Variants in MICAL2 observed in about 807,000 individuals in gnomAD.
MICAL2 encodes the protein microtubule associated monooxygenase, calponin and LIM domain containing 2.
A neutral mutation model predicts 127.3 loss-of-function variants in MICAL2; 77 were observed. That is an observed-to-expected ratio of 0.60 (90% CI 0.50 to 0.73). The LOEUF is 0.73. Ranked by LOEUF, MICAL2 falls within the 30% of genes least tolerant of loss-of-function variation. MICAL2 has a pLI of 0.00. For missense variants in MICAL2, 1,351 were observed against 1,434.4 expected (o/e 0.94, Z 0.94); for synonymous variants, 570 against 551.1 (o/e 1.03, Z -0.48).
intron 1 of MICAL2, among the ~76,000 whole-genome samples, chr11:12,137,503 G>C (rs545739480): frequency 5.3e-5 from 8 of 152,310 alleles, no homozygotes; most frequent in African/African-American, 1.7e-4. Context: ...CACTTCATAG[G>C]CTGTCTCCCA....
At chr11:12,241,242 C>T (rs1590578579) in intron 18 of MICAL2, 80 bp downstream of exon 18, 6 of 1,518,946 alleles carry the variant, frequency 4.0e-6, no homozygotes, top group Middle Eastern at 1.9e-4. Flanking sequence ...AGTGGCTCTT[C>T]CCACACCCCA....
intron 18 of MICAL2, among the ~76,000 whole-genome samples, chr11:12,241,708 A>T (rs904104876): frequency 6.6e-6 from 1 of 152,204 alleles, no homozygotes; most frequent in Admixed American, 6.5e-5. Context: ...AATCACTGTT[A>T]TTGACCATAA....
chr11:12,296,543 G>T (rs1254034339), downstream of MICAL2, among the ~76,000 whole-genome samples: 1 of 146,774 alleles, frequency 6.8e-6, no homozygotes, highest in African/African-American at 2.5e-5. Flanking sequence ...TGTGACATAA[G>T]GGTATATTAT....
intron 3 of MICAL2, among the ~76,000 whole-genome samples, chr11:12,185,187 G>A (rs1272366527): frequency 8.1e-6 from 1 of 123,090 alleles, no homozygotes; most frequent in African/African-American, 3.0e-5. Flanking sequence ...CTGGATGGAT[G>A]GATGGGTGGG....
chr11:12,189,666 C>T (rs192798469), intron 3 of MICAL2, among the ~76,000 whole-genome samples: 3 of 152,334 alleles, frequency 2.0e-5, no homozygotes, highest in Non-Finnish European at 2.9e-5. Context: ...AGGGTTACAG[C>T]GATGATGCAT....
At chr11:12,189,341 C>T (rs146854712) in intron 3 of MICAL2, among the ~76,000 whole-genome samples, 4 of 152,212 alleles carry the variant, frequency 2.6e-5, no homozygotes, top group African/African-American at 9.6e-5. Context: ...GTGCGAGTAC[C>T]TATGGTCAGA....
intron 29 of MICAL2, among the ~76,000 whole-genome samples, chr11:12,310,339 G>A (rs926457684): frequency 1.3e-5 from 2 of 152,050 alleles, no homozygotes; most frequent in African/African-American, 4.8e-5. Context: ...AATTCACTTT[G>A]AGTTTATTTT....
chr11:12,194,181 G>A (rs1238751679), intron 3 of MICAL2, among the ~76,000 whole-genome samples: 3 of 152,198 alleles, frequency 2.0e-5, no homozygotes, highest in Non-Finnish European at 4.4e-5. Context: ...GGAAAGTCTA[G>A]GTGGTGGATG....
chr11:12,257,766 A>G (rs966799305), intron 24 of MICAL2, among the ~76,000 whole-genome samples: 3 of 152,152 alleles, frequency 2.0e-5, no homozygotes, highest in Admixed American at 6.5e-5. Flanking sequence ...AGTCATTCCT[A>G]TGTAAGTGTC....
At chr11:12,257,815 G>C (rs368395467) in intron 24 of MICAL2, among the ~76,000 whole-genome samples, 154 of 152,242 alleles carry the variant, frequency 1.0e-3, no homozygotes, top group African/African-American at 3.5e-3. Context: ...ATTGTTACCA[G>C]TGCAGCAGTG....
chr11:12,147,080 A>G (rs7112923), intron 2 of MICAL2, among the ~76,000 whole-genome samples: 140,473 of 151,236 alleles, frequency 0.93, 65,958 homozygotes, highest in Non-Finnish European at 1. Flanking sequence ...GGAGCAGGGA[A>G]GGATAGCATT....
rs1420436680 is a variant in MICAL2 at position 12,203,410 on chromosome 11, A to G, written c.265-840A>G. Among the ~76,000 whole-genome samples, 5 of 152,242 alleles carry G rather than the reference A, an allele frequency of 3.3e-5. No individual in the cohort carries two copies. The South Asian group carries it at 6.2e-4, about 19-fold the overall frequency. Reference sequence around the variant, plus strand: ...TGTATGAGGGTTTCAATTTTTCCATATCCTCACCACACTTGCTGTTCTCTT... The same window carrying G: ...TGTATGAGGGTTTCAATTTTTCCATGTCCTCACCACACTTGCTGTTCTCTT... On this transcript the variant is annotated intron_variant, in intron 3 of 27. Coordinates refer to ENST00000683283, the MANE Select transcript of MICAL2 (RefSeq NM_001282663.2).
At chr11:12,319,658 A>G (rs768438566) in intron 29 of MICAL2, 1 of 1,428,590 alleles carries the variant, frequency 7.0e-7, no homozygotes, top group Middle Eastern at 1.8e-4. Flanking sequence ...CAGGAAATGA[A>G]GCTAGCAGTT....
downstream of MICAL2, among the ~76,000 whole-genome samples, chr11:12,360,069 C>T (rs1422556850): frequency 6.7e-6 from 1 of 150,278 alleles, no homozygotes; most frequent in Non-Finnish European, 1.5e-5. Context: ...TAGCAAGTTC[C>T]AAAGGTTGCA....
chr11:12,297,118 G>A (rs903367089), downstream of MICAL2, among the ~76,000 whole-genome samples: 2 of 152,168 alleles, frequency 1.3e-5, no homozygotes, highest in African/African-American at 4.8e-5. Context: ...AATTTTGATA[G>A]ATATTGTCAA....
chr11:12,221,826 A>T, intron 10 of MICAL2, 67 bp downstream of exon 10: 1 of 1,291,072 alleles, frequency 7.7e-7, no homozygotes, highest in Non-Finnish European at 1.1e-6. Context: ...GGGCAAGATC[A>T]CCCCGCAGGT....
chr11:12,276,411 G>A (rs755136147), intron 1 of MICAL2: 48 of 352,518 alleles, frequency 1.4e-4, no homozygotes, highest in Non-Finnish European at 2.2e-4. Context: ...GTTAGCAATT[G>A]TTATTTTCTT....
At position 12,162,257 on chromosome 11, in the gene MICAL2, T is replaced by C. The variant is rs781760834; in HGVS notation, c.102T>C (p.Ile34=). ...TCKGTLQAFN[I]LTRHLDLDPL... is the part of the protein sequence containing the mutation. ...AAGGTACCCTCCAGGCCTTCAACAT[T>C]CTCACACGACACCTGGACCTAGACC... Residue 34 remains isoleucine (I), a synonymous_variant, in exon 3 of 28, where the codon ATT becomes ATC. Coordinates refer to ENST00000683283, the MANE Select transcript of MICAL2 (RefSeq NM_001282663.2). 2 of 1,614,214 alleles carry C rather than the reference T, an allele frequency of 1.2e-6. No homozygotes were observed. The highest frequency in any genetic ancestry group is 1.7e-5 in the Admixed American group (1 of 60,032).
At chr11:12,270,989 G>C (rs967925324) in intron 24 of MICAL2, among the ~76,000 whole-genome samples, 2 of 152,196 alleles carry the variant, frequency 1.3e-5, no homozygotes, top group African/African-American at 4.8e-5. Context: ...CCAGGAAAGG[G>C]CCTCTGGACC....
Sources: allele counts gnomAD v4.1 joint callset (sites outside exome capture counted in the v4.1 genomes callset), GRCh38; gene constraint gnomAD v4.1.1; transcripts MANE v1.5; gene names NCBI Gene and HGNC (gene_info 2026-07-23, HGNC 2026-07-21).